DYNLL2: variants seen among roughly 807,000 people sequenced by gnomAD.
The protein encoded by DYNLL2 is dynein light chain 2, cytoplasmic.
A neutral mutation model predicts 9.7 loss-of-function variants in DYNLL2; 1 was observed. That is an observed-to-expected ratio of 0.10 (90% CI 0.04 to 0.49). The LOEUF (loss-of-function observed/expected upper bound fraction) is 0.49, where lower values mean the gene tolerates loss of function less well. Among genes scored for constraint, DYNLL2 ranks in the 20% least tolerant of loss-of-function variants. DYNLL2 has a pLI of 0.95. For missense variants in DYNLL2, 37 were observed against 115.2 expected (o/e 0.32, Z 3.11); for synonymous variants, 35 against 40.5 (o/e 0.86, Z 0.52).
chr17:58,087,334 C>G, intron 2 of DYNLL2, 112 bp downstream of exon 2: 1 of 1,446,468 alleles, frequency 6.9e-7, no homozygotes, highest in Non-Finnish European at 9.3e-7. Context: ...CCTGTGCAAG[C>G]AAAACCCTAG....
Position 58,092,075 on chromosome 17 carries a change from G to A in DYNLL2, c.*2796G>A, listed in dbSNP as rs535624130. On this transcript the variant is annotated 3_prime_UTR_variant, in exon 3 of 3. Coordinates refer to ENST00000579991, the MANE Select transcript of DYNLL2 (RefSeq NM_080677.3). ...ACTGGGCAATGAGCTATTGAGTGTT[G>A]GAGGTAGGTAGATAGGGTTCCTCCA... 6.6e-6 allele frequency: 1 copy of A among 152,206 alleles called. No homozygotes were observed. The highest frequency in any genetic ancestry group is 1.5e-5 in the Non-Finnish European group (1 of 68,058). 9.4% of individuals were successfully genotyped at this position (152,206 alleles called of 1,614,324 possible). A position where few individuals can be genotyped will look rare whatever the true frequency, so the allele number is the denominator to read the frequency against.
In DYNLL2 at chr17:58,095,376, T is replaced by G. The variant is rs1172763793; in HGVS notation, c.*6097T>G. 2.6e-5 allele frequency: 4 copies of G among 152,298 alleles called. No individual in the cohort carries two copies. In the East Asian group the frequency reaches 7.7e-4, roughly 29 times the overall value. 9.4% of individuals were successfully genotyped at this position (152,298 alleles called of 1,614,324 possible). The stretch of plus-strand genomic sequence containing the variant: ...CCAACCCTTAATCTAAATGACACAT[T>G]CACATGATACATTATTCTAAAGGCA... On this transcript the variant is annotated 3_prime_UTR_variant, in exon 3 of 3. Coordinates refer to ENST00000579991, the MANE Select transcript of DYNLL2 (RefSeq NM_080677.3).
At chr17:58,087,001 A>G in intron 1 of DYNLL2, 81 bp from the exon 2 acceptor site, 2 of 1,552,822 alleles carry the variant, frequency 1.3e-6, no homozygotes, top group Non-Finnish European at 1.8e-6. Context: ...CCCCTCTTGC[A>G]CTGAGACCCC....
In DYNLL2 at chr17:58,087,149, A is replaced by T. The variant is rs1261270243; in HGVS notation, c.59A>T (p.Asp20Val). ...NADMSEDMQQ[D>V]AVDCATQAME... The stretch of plus-strand genomic sequence containing the variant: ...GACATGTCTGAGGACATGCAACAGG[A>T]TGCCGTTGACTGCGCCACGCAGGCC... Residue 20 changes from aspartate (D) to valine (V), a missense_variant, in exon 2 of 3, where the codon GAT becomes GTT. Physicochemically the swap from Asp to Val is radical, Grantham distance 152. Coordinates refer to ENST00000579991, the MANE Select transcript of DYNLL2 (RefSeq NM_080677.3). The T allele has an allele frequency of 6.2e-7, 1 of 1,614,228 alleles. No individual in the cohort carries two copies. The highest frequency in any genetic ancestry group is 1.1e-5 in the South Asian group (1 of 91,076).
In DYNLL2 at chr17:58,092,010, A is replaced by G. The variant is rs1598089827; in HGVS notation, c.*2731A>G. On this transcript the variant is annotated 3_prime_UTR_variant, in exon 3 of 3. Transcript: ENST00000579991. ...AGAGCAGACATACACACACTGATCAACTTTTTCCAATAGTGATAAATGTGT... is the reference window on the plus strand; with the variant it reads ...AGAGCAGACATACACACACTGATCAGCTTTTTCCAATAGTGATAAATGTGT... 6.6e-6 allele frequency: 1 copy of G among 152,212 alleles called. No individual in the cohort carries two copies. Among genetic ancestry groups the G allele is most frequent in the Non-Finnish European group, 1.5e-5 (1 of 68,042 alleles). 9.4% of individuals were successfully genotyped at this position (152,212 alleles called of 1,614,324 possible). A position where few individuals can be genotyped will look rare whatever the true frequency, so the allele number is the denominator to read the frequency against.
At position 58,090,636 on chromosome 17, in the gene DYNLL2, T is replaced by C; in HGVS notation, c.*1357T>C. The C allele has an allele frequency of 6.6e-6, 1 of 151,958 alleles. No individual in the cohort carries two copies. The highest frequency in any genetic ancestry group is 1.5e-5 in the Non-Finnish European group (1 of 68,264). The allele number at this position is 151,958 out of a possible 1,614,324, so 9.4% of individuals were successfully genotyped here. ...GAGCTTCTGGGAGCCTTGGAGGAGGTCAGTCTTGCAGTGGTGAAGCCAGGA... is the reference window on the plus strand; with the variant it reads ...GAGCTTCTGGGAGCCTTGGAGGAGGCCAGTCTTGCAGTGGTGAAGCCAGGA... On this transcript the variant is annotated 3_prime_UTR_variant, in exon 3 of 3. Coordinates refer to ENST00000579991, the MANE Select transcript of DYNLL2 (RefSeq NM_080677.3).
intron 1 of DYNLL2, among the ~76,000 whole-genome samples, chr17:58,084,026 G>A (rs1490156840): frequency 6.6e-6 from 1 of 152,004 alleles, no homozygotes. Context: ...GGAAGAGGGG[G>A]TGGAGAGGGC....
Position 58,083,487 on chromosome 17 carries a change from G to T in DYNLL2, c.-206G>T, listed in dbSNP as rs1210910397. ...GGCGGGCGGGCGGGCGGCGTGAGGC[G>T]GAGCGCGGGCGGCCGGCGAAACTCC... On this transcript the variant is annotated 5_prime_UTR_variant, in exon 1 of 3. Coordinates refer to ENST00000579991, the MANE Select transcript of DYNLL2 (RefSeq NM_080677.3). 4.0e-5 allele frequency: 6 copies of T among 148,452 alleles called. No individual in the cohort carries two copies. The highest frequency in any genetic ancestry group is 2.0e-4 in the Admixed American group (3 of 14,672). The allele number at this position is 148,452 out of a possible 1,614,324, so 9.2% of individuals were successfully genotyped here. A position where few individuals can be genotyped will look rare whatever the true frequency, so the allele number is the denominator to read the frequency against.
In DYNLL2 at chr17:58,089,262, C is replaced by T. The variant is rs1310855382; in HGVS notation, c.253C>T (p.Leu85Phe). 6.2e-7 allele frequency: 1 copy of T among 1,613,994 alleles called. No individual in the cohort carries two copies. ...YFYLGQVAIL[L>F]FKSG ...TTACTTGGGTCAAGTTGCAATCCTCCTCTTCAAGTCAGGCTAGGTGGCCAT... is the reference window on the plus strand; with the variant it reads ...TTACTTGGGTCAAGTTGCAATCCTCTTCTTCAAGTCAGGCTAGGTGGCCAT... Residue 85 changes from leucine (L) to phenylalanine (F), a missense_variant, in exon 3 of 3, where the codon CTC (leucine) becomes TTC (phenylalanine). Physicochemically the swap from Leu to Phe is conservative, Grantham distance 22. Coordinates refer to ENST00000579991, the MANE Select transcript of DYNLL2 (RefSeq NM_080677.3).
In DYNLL2 at chr17:58,086,915, GTC is replaced by G. The variant is rs577826164; in HGVS notation, c.-9-163_-9-162del. Among the ~76,000 whole-genome samples the G allele has an allele frequency of 6.6e-5, 10 of 152,264 alleles. No homozygotes were observed. The South Asian group carries it at 1.2e-3, about 19-fold the overall frequency. ...CTGTATTTCCCAGGGTGGGAACAAT[GTC>G]TCTGCCAAAGCTTAGGGGCTCCCTC... On this transcript the variant is annotated intron_variant, in intron 1 of 2. Transcript: ENST00000579991.
At position 58,094,383 on chromosome 17, in the gene DYNLL2, G is replaced by A. The variant is rs2075790666; in HGVS notation, c.*5104G>A. 1 of 152,056 alleles carries A rather than the reference G, an allele frequency of 6.6e-6. No homozygotes were observed. Among genetic ancestry groups the A allele is most frequent in the South Asian group, 2.1e-4 (1 of 4,824 alleles). The allele number at this position is 152,056 out of a possible 1,614,324, so 9.4% of individuals were successfully genotyped here. ...TTATTAGGGTATCTAATAAAGTTGGGGAAAGAACAAAATCCCCCCCTCACA... is the reference window on the plus strand; with the variant it reads ...TTATTAGGGTATCTAATAAAGTTGGAGAAAGAACAAAATCCCCCCCTCACA... On this transcript the variant is annotated 3_prime_UTR_variant, in exon 3 of 3. Coordinates refer to ENST00000579991, the MANE Select transcript of DYNLL2 (RefSeq NM_080677.3).
At position 58,089,443 on chromosome 17, in the gene DYNLL2, C is replaced by A; in HGVS notation, c.*164C>A. On this transcript the variant is annotated 3_prime_UTR_variant, in exon 3 of 3. Transcript: ENST00000579991. ...ATGTGTATGTCGCAGTAAACAAAAC[C>A]AAACCTCTTTCTGTTTAGTTGCCTG... 4 of 847,632 alleles carry A rather than the reference C, an allele frequency of 4.7e-6. No individual in the cohort carries two copies. The highest frequency in any genetic ancestry group is 2.4e-5 in the South Asian group (1 of 41,044). 52.5% of individuals were successfully genotyped at this position (847,632 alleles called of 1,614,324 possible). A position where few individuals can be genotyped will look rare whatever the true frequency, so the allele number is the denominator to read the frequency against.
At chr17:58,088,930 T>C (rs2075770241) in intron 2 of DYNLL2, among the ~76,000 whole-genome samples, 3 of 151,904 alleles carry the variant, frequency 2.0e-5, no homozygotes, top group South Asian at 2.1e-4. Flanking sequence ...ATGGAGGCTT[T>C]GTGGTGTTCC....
At position 58,093,419 on chromosome 17, in the gene DYNLL2, C is replaced by G. The variant is rs893512059; in HGVS notation, c.*4140C>G. The G allele has an allele frequency of 5.9e-5, 9 of 152,146 alleles. No individual in the cohort carries two copies. The highest frequency in any genetic ancestry group is 1.0e-4 in the Non-Finnish European group (7 of 68,028). The allele number at this position is 152,146 out of a possible 1,614,324, so 9.4% of individuals were successfully genotyped here. On this transcript the variant is annotated 3_prime_UTR_variant, in exon 3 of 3. Coordinates refer to ENST00000579991, the MANE Select transcript of DYNLL2 (RefSeq NM_080677.3). ...TATGTTGCTGAAACCTGAGAGCGCC[C>G]CCCTGAGCTAGACTCAGTAATCATT...
At chr17:58,088,933 G>T (rs1274924607) in intron 2 of DYNLL2, among the ~76,000 whole-genome samples, 1 of 151,992 alleles carries the variant, frequency 6.6e-6, no homozygotes, top group Non-Finnish European at 1.5e-5. Flanking sequence ...GAGGCTTTGT[G>T]GTGTTCCATT....
At position 58,087,065 on chromosome 17, in the gene DYNLL2, C is replaced by G. The variant is rs1383490931; in HGVS notation, c.-9-17C>G. 1.9e-6 allele frequency: 3 copies of G among 1,612,354 alleles called. No individual in the cohort carries two copies. The highest frequency in any genetic ancestry group is 2.5e-6 in the Non-Finnish European group (3 of 1,178,456). ...GAGCAAGGAGTTGTCAGCCTTACCT[C>G]TCTGCTCCTTCTGTAGTGTCACACC... On this transcript the variant is annotated splice_polypyrimidine_tract_variant and intron_variant, in intron 1 of 2. Transcript: ENST00000579991.
At position 58,089,737 on chromosome 17, in the gene DYNLL2, G is replaced by A; in HGVS notation, c.*458G>A. The A allele has an allele frequency of 2.5e-6, 1 of 403,534 alleles. No individual in the cohort carries two copies. Among genetic ancestry groups the A allele is most frequent in the Non-Finnish European group, 4.3e-6 (1 of 230,068 alleles). 25.0% of individuals were successfully genotyped at this position (403,534 alleles called of 1,614,324 possible). ...GCCAGGGAGGCTGCAGGGGGACAGT[G>A]TTGGGATTGTCAAGGAAAAAGGGGT... On this transcript the variant is annotated 3_prime_UTR_variant, in exon 3 of 3. Transcript: ENST00000579991.
chr17:58,087,703 C>T (rs192347368), intron 2 of DYNLL2, among the ~76,000 whole-genome samples: 1 of 152,208 alleles, frequency 6.6e-6, no homozygotes, highest in South Asian at 2.1e-4. Flanking sequence ...CTACATCACC[C>T]CTTTCTGTCT....
At chr17:58,084,216 T>G (rs2075749172) in intron 1 of DYNLL2, among the ~76,000 whole-genome samples, 1 of 151,776 alleles carries the variant, frequency 6.6e-6, no homozygotes, top group Non-Finnish European at 1.5e-5. Flanking sequence ...GGAGGATGCT[T>G]CCTCGTTCCC....
Sources: gnomAD v4.1 joint callset for allele counts (sites outside exome capture counted in the v4.1 genomes callset) on GRCh38, gnomAD v4.1.1 for gene constraint, MANE v1.5 for transcripts, NCBI Gene and HGNC (gene_info 2026-07-23, HGNC 2026-07-21) for gene names.